EPB41L5: variants seen among roughly 807,000 people sequenced by gnomAD.
EPB41L5 encodes the protein band 4.1-like protein 5.
In EPB41L5, 55 loss-of-function variants were observed where a neutral mutation model predicts 106.6. That is an observed-to-expected ratio of 0.52 (90% CI 0.42 to 0.65). EPB41L5 has a LOEUF of 0.65. Ranked by LOEUF, EPB41L5 falls within the 30% of genes least tolerant of loss-of-function variation. The pLI, the probability that EPB41L5 is intolerant of heterozygous loss-of-function variation, is 0.00. For synonymous variants in EPB41L5, 297 were observed against 306.7 expected (o/e 0.97, Z 0.33); for missense variants, 871 against 882.1 (o/e 0.99, Z 0.16).
chr2:120,162,280 A>G (rs555453271), intron 21 of EPB41L5, among the ~76,000 whole-genome samples: 24 of 152,354 alleles, frequency 1.6e-4, no homozygotes, highest in Admixed American at 5.2e-4. Context: ...ACCCTTAACA[A>G]TTCAGAAATC....
At chr2:120,130,144 A>AT (rs1491367423) in intron 17 of EPB41L5, among the ~76,000 whole-genome samples, 1 of 23,506 alleles carries the variant, frequency 4.3e-5, no homozygotes, top group Non-Finnish European at 1.8e-4. Flanking sequence ...ACTCCATCTC[A>AT]AAAAAAAAAA....
intron 19 of EPB41L5, among the ~76,000 whole-genome samples, chr2:120,143,956 G>A (rs958265100): frequency 6.6e-6 from 1 of 152,118 alleles, no homozygotes; most frequent in African/African-American, 2.4e-5. Context: ...ATAGGATAAT[G>A]GTAGTACCTA....
At chr2:120,120,765 G>A (rs879550464) in intron 16 of EPB41L5, among the ~76,000 whole-genome samples, 17 of 152,170 alleles carry the variant, frequency 1.1e-4, no homozygotes, top group Non-Finnish European at 1.0e-4. Flanking sequence ...TTGAAAAACT[G>A]CAAGGGAAAT....
chr2:120,144,499 C>T (rs998815278), intron 19 of EPB41L5, among the ~76,000 whole-genome samples: 1 of 152,162 alleles, frequency 6.6e-6, no homozygotes, highest in African/African-American at 2.4e-5. Context: ...AGAGAAGTAA[C>T]ATGAGTAACC....
At chr2:120,088,051 A>G (rs1424268555) in intron 11 of EPB41L5, among the ~76,000 whole-genome samples, 1 of 152,240 alleles carries the variant, frequency 6.6e-6, no homozygotes, top group African/African-American at 2.4e-5. Context: ...GCATACAGAT[A>G]CAGATAAAAG....
Position 120,061,522 on chromosome 2 carries a change from C to CT in EPB41L5, c.286-11647dup, listed in dbSNP as rs1185633231. Among the ~76,000 whole-genome samples the CT allele has an allele frequency of 2.9e-3, 436 of 150,884 alleles. 1 individual carries two copies. The highest frequency in any genetic ancestry group is 3.9e-3 in the Admixed American group (59 of 15,156). ...ACAGGCGTGAGCCACCGCGCCCGGC[C>CT]TTTTTTTTTAATAGAGACAGGGTTT... On this transcript the variant is annotated intron_variant, in intron 3 of 24. Transcript: ENST00000263713.
intron 16 of EPB41L5, among the ~76,000 whole-genome samples, chr2:120,111,278 T>G (rs1014028944): frequency 6.6e-6 from 1 of 152,216 alleles, no homozygotes; most frequent in Non-Finnish European, 1.5e-5. Flanking sequence ...AGAAGTGATA[T>G]TGGGCATCCC....
At chr2:120,057,765 A>T (rs922703995) in intron 3 of EPB41L5, among the ~76,000 whole-genome samples, 7 of 152,186 alleles carry the variant, frequency 4.6e-5, no homozygotes, top group Admixed American at 2.0e-4. Context: ...GCTGTCATAA[A>T]AATAGTACAT....
chr2:120,070,262 C>G (rs1681765966), intron 3 of EPB41L5, among the ~76,000 whole-genome samples: 2 of 151,798 alleles, frequency 1.3e-5, no homozygotes, highest in African/African-American at 2.4e-5. Flanking sequence ...ACACATATAC[C>G]CTCCCAAGAC....
chr2:120,087,234 TG>T lies in EPB41L5; in HGVS notation c.868del (p.Asp290IlefsTer52), dbSNP rs1383337926. 6.4e-7 allele frequency: 1 copy of T among 1,552,570 alleles called. No individual in the cohort carries two copies. Among genetic ancestry groups the T allele is most frequent in the South Asian group, 1.1e-5 (1 of 89,010 alleles). On this transcript the variant is annotated frameshift_variant, in exon 11 of 25. Coordinates refer to ENST00000263713, the MANE Select transcript of EPB41L5 (RefSeq NM_020909.4). LOFTEE classifies it high-confidence loss of function. ...KLTLVVVEDD[D>X]QGKEQEHTFV... ...TAACCTTGGTGGTTGTAGAAGATGA[TG>T]ATCAGGTAGGAATAAAATTATATTC...
chr2:120,022,506 C>T (rs527694687), intron 2 of EPB41L5, among the ~76,000 whole-genome samples: 21 of 152,262 alleles, frequency 1.4e-4, no homozygotes, highest in African/African-American at 4.3e-4. Flanking sequence ...CTGCAAAGGA[C>T]GTGAACTCAT....
chr2:120,104,124 C>G, intron 16 of EPB41L5: 1 of 1,535,990 alleles, frequency 6.5e-7, no homozygotes, highest in Non-Finnish European at 8.7e-7. Context: ...GGCCTTGCCC[C>G]CACCCCAGAC....
intron 10 of EPB41L5, among the ~76,000 whole-genome samples, chr2:120,086,607 C>G (rs761598243): frequency 6.6e-6 from 1 of 151,842 alleles, no homozygotes; most frequent in Non-Finnish European, 1.5e-5. Flanking sequence ...ACAAAGAATA[C>G]AAAAATTAGC....
At chr2:120,068,497 C>A (rs552752684) in intron 3 of EPB41L5, among the ~76,000 whole-genome samples, 2 of 152,292 alleles carry the variant, frequency 1.3e-5, no homozygotes, top group East Asian at 3.9e-4. Flanking sequence ...TGAAGCCGAC[C>A]TGGGACGCTC....
At chr2:120,099,706 G>A (rs902592312) in intron 14 of EPB41L5, among the ~76,000 whole-genome samples, 1 of 152,142 alleles carries the variant, frequency 6.6e-6, no homozygotes, top group Non-Finnish European at 1.5e-5. Flanking sequence ...GATTACAGGC[G>A]TGAGCCACCA....
chr2:120,035,205 C>T (rs997371838), intron 2 of EPB41L5, among the ~76,000 whole-genome samples: 1 of 152,104 alleles, frequency 6.6e-6, no homozygotes, highest in Admixed American at 6.5e-5. Flanking sequence ...ACCTTTATCA[C>T]TCGCTAGCAT....
chr2:120,043,129 C>T (rs1679524753), intron 3 of EPB41L5, among the ~76,000 whole-genome samples: 1 of 151,148 alleles, frequency 6.6e-6, no homozygotes, highest in African/African-American at 2.4e-5. Flanking sequence ...GTCATTTTTT[C>T]ATGACAACCC....
intron 21 of EPB41L5, among the ~76,000 whole-genome samples, chr2:120,162,824 T>A (rs1450359575): frequency 6.6e-6 from 1 of 152,188 alleles, no homozygotes; most frequent in African/African-American, 2.4e-5. Context: ...TATGGTGCAC[T>A]TAGTCCAGGC....
chr2:120,144,568 G>T (rs756244644), intron 19 of EPB41L5, among the ~76,000 whole-genome samples: 4 of 152,146 alleles, frequency 2.6e-5, no homozygotes, highest in Non-Finnish European at 5.9e-5. Flanking sequence ...AGAAATCCAG[G>T]ATCAAATACC....
Sources: gnomAD v4.1 joint callset for allele counts (sites outside exome capture counted in the v4.1 genomes callset) on GRCh38, gnomAD v4.1.1 for gene constraint, MANE v1.5 for transcripts, NCBI Gene and HGNC (gene_info 2026-07-23, HGNC 2026-07-21) for gene names.